HERC1: variants seen among roughly 807,000 people sequenced by gnomAD.
HERC1 encodes HECT and RLD domain containing E3 ubiquitin protein ligase family member 1, also known as probable E3 ubiquitin-protein ligase HERC1.
HERC1 carries 160 observed loss-of-function variants against 554.3 expected under a neutral mutation model. That is an observed-to-expected ratio of 0.29 (90% CI 0.25 to 0.33). The LOEUF is 0.33. Among genes scored for constraint, HERC1 ranks in the 10% least tolerant of loss-of-function variants. The pLI is 1.00. For missense variants in HERC1, 4,919 were observed against 5,918.5 expected (o/e 0.83, Z 5.54); for synonymous variants, 2,175 against 2,131.7 (o/e 1.02, Z -0.56).
chr15:63,775,438 C>T lies in HERC1; in HGVS notation c.186G>A (p.Leu62=), dbSNP rs1288919674. ...QQVLCLKGPQ[L]PDFERESLSS... ...AAAGAGACTCACGTTCAAAGTCTGG[C>T]AACTGTGGTCCTTTGAGGCATAAAA... is the stretch of plus-strand genomic sequence containing the variant. Residue 62 remains leucine (L), a synonymous_variant, in exon 2 of 78, where the codon TTG becomes TTA. Transcript: ENST00000443617. This position sits in a 1 kb window ranked among gnomAD's most constrained non-coding sequence, Gnocchi z 4.0. The T allele has an allele frequency of 6.2e-7, 1 of 1,613,962 alleles. No individual in the cohort carries two copies. Among genetic ancestry groups the T allele is most frequent in the Non-Finnish European group, 8.5e-7 (1 of 1,179,856 alleles).
At position 63,672,589 on chromosome 15, in the gene HERC1, A is replaced by G; in HGVS notation, c.7952T>C (p.Leu2651Pro). ...SSTTSFMSSS[L>P]EDTTTATTPV... ...AGTGGTGGCAGTTGTGGTGTCCTCCAGAGAGCTGCTCATAAAGGAGGTCGT... is the reference window on the plus strand; with the variant it reads ...AGTGGTGGCAGTTGTGGTGTCCTCCGGAGAGCTGCTCATAAAGGAGGTCGT... The change falls in exon 39 of 78, where the codon CTG becomes CCG. Residue 2651 changes from leucine (L) to proline (P), a missense_variant. Leu to Pro is a moderately conservative substitution (Grantham distance 98). Coordinates refer to ENST00000443617, the MANE Select transcript of HERC1 (RefSeq NM_003922.4). 1 of 1,612,264 alleles carries G rather than the reference A, an allele frequency of 6.2e-7. No individual in the cohort carries two copies. Among genetic ancestry groups the G allele is most frequent in the East Asian group, 2.2e-5 (1 of 44,842 alleles).
chr15:63,647,927 G>A, intron 55 of HERC1, 142 bp downstream of exon 55: 1 of 682,984 alleles, frequency 1.5e-6, no homozygotes, highest in Non-Finnish European at 2.5e-6. Context: ...GATGGATTAT[G>A]AGAGATTACT....
At chr15:63,810,089 T>C (rs1227044340) in intron 1 of HERC1, among the ~76,000 whole-genome samples, 2 of 152,334 alleles carry the variant, frequency 1.3e-5, no homozygotes, top group South Asian at 2.1e-4. Context: ...TTATTTGGAA[T>C]GTATTAAGTT....
chr15:63,667,507 A>G (rs1016881198), intron 40 of HERC1, among the ~76,000 whole-genome samples: 1 of 152,234 alleles, frequency 6.6e-6, no homozygotes, highest in African/African-American at 2.4e-5. Context: ...TAGACACTGC[A>G]GAAGAAAAGA....
At chr15:63,619,161 A>C (rs1224644461) in intron 74 of HERC1, among the ~76,000 whole-genome samples, 1 of 152,180 alleles carries the variant, frequency 6.6e-6, no homozygotes, top group East Asian at 1.9e-4. Flanking sequence ...CTATTTTGAG[A>C]TATGTCCCAT....
intron 1 of HERC1, among the ~76,000 whole-genome samples, chr15:63,789,988 CA>C (rs34306111): frequency 6.6e-6 from 1 of 151,904 alleles, no homozygotes; most frequent in African/African-American, 2.4e-5. Flanking sequence ...AGGAAAACCC[CA>C]AAAAGTCTGT....
At chr15:63,737,993 T>C (rs2074622352) in intron 12 of HERC1, among the ~76,000 whole-genome samples, 2 of 152,230 alleles carry the variant, frequency 1.3e-5, no homozygotes, top group Non-Finnish European at 2.9e-5. Context: ...TTTCATTTAA[T>C]GTATTTTCTA....
intron 2 of HERC1, among the ~76,000 whole-genome samples, chr15:63,768,374 T>TCA (rs1389086293): frequency 3.3e-5 from 5 of 152,262 alleles, no homozygotes; most frequent in African/African-American, 9.6e-5. Context: ...TGTCTGTGGC[T>TCA]CACACTTTGA....
At chr15:63,682,682 A>G (rs1452348283) in intron 34 of HERC1, among the ~76,000 whole-genome samples, 3 of 152,208 alleles carry the variant, frequency 2.0e-5, no homozygotes, top group Non-Finnish European at 4.4e-5. Context: ...AGCTTTTGCT[A>G]TTGCTACAGC....
At chr15:63,827,723 TAAG>T (rs2077990498) in intron 1 of HERC1, among the ~76,000 whole-genome samples, 1 of 152,116 alleles carries the variant, frequency 6.6e-6, no homozygotes, top group Admixed American at 6.5e-5. Context: ...TCATAACAGC[TAAG>T]AAGTAGAAAA....
chr15:63,742,496 T>C (rs2074849982), intron 12 of HERC1, among the ~76,000 whole-genome samples: 2 of 152,208 alleles, frequency 1.3e-5, no homozygotes, highest in Admixed American at 6.5e-5. Flanking sequence ...TCTTATATAA[T>C]TGCCCCAGCT....
At chr15:63,626,640 A>G (rs1278595915) in intron 70 of HERC1, among the ~76,000 whole-genome samples, 9 of 152,228 alleles carry the variant, frequency 5.9e-5, no homozygotes. Flanking sequence ...ATATAGGTGC[A>G]TGATTCATGA....
At position 63,754,551 on chromosome 15, in the gene HERC1, C is replaced by A. The variant is rs2075358100; in HGVS notation, c.1728G>T (p.Leu576=). 1.2e-6 allele frequency: 2 copies of A among 1,612,968 alleles called. No homozygotes were observed. Among genetic ancestry groups the A allele is most frequent in the South Asian group, 1.1e-5 (1 of 90,904 alleles). ...VSCGSSHTIA[L]SKDGRTVWSF... is the part of the protein sequence containing the mutation. ...ACCATACAGTTCTCCCATCTTTAGA[C>A]AGAGCAATAGTATGTGAACTGCCAC... Residue 576 remains leucine (L), a synonymous_variant, in exon 7 of 78, where the codon CTG becomes CTT. Transcript: ENST00000443617.
intron 1 of HERC1, among the ~76,000 whole-genome samples, chr15:63,818,858 T>C (rs1036347241): frequency 6.6e-6 from 1 of 152,232 alleles, no homozygotes; most frequent in African/African-American, 2.4e-5. Flanking sequence ...CATGATACAG[T>C]CAAAACCACT....
intron 34 of HERC1, among the ~76,000 whole-genome samples, chr15:63,681,922 C>A (rs1175296754): frequency 6.6e-6 from 1 of 152,140 alleles, no homozygotes; most frequent in Non-Finnish European, 1.5e-5. Context: ...GGGTGTATAT[C>A]CTTACCGCAT....
chr15:63,741,448 GA>G (rs2074802572), intron 12 of HERC1, among the ~76,000 whole-genome samples: 1 of 151,884 alleles, frequency 6.6e-6, no homozygotes, highest in African/African-American at 2.4e-5. Context: ...CCTCAGCTGG[GA>G]TTACAGGCAC....
At chr15:63,813,491 A>T (rs1031765140) in intron 1 of HERC1, among the ~76,000 whole-genome samples, 1 of 152,106 alleles carries the variant, frequency 6.6e-6, no homozygotes, top group African/African-American at 2.4e-5. Flanking sequence ...TTTTAATATC[A>T]ACCCAAAAAA....
Position 63,626,065 on chromosome 15 carries a change from C to T in HERC1, c.13195G>A (p.Ala4399Thr). ...LREVSIHTVR[A>T]RLRLLYHFSD... is the part of the protein sequence containing the mutation. ...AAGTGGTAGAGCAGCCGGAGCCTGG[C>T]CCGCACCGTGTGAATGCTGACTTCT... is the stretch of plus-strand genomic sequence containing the variant. Residue 4399 changes from alanine to threonine, a missense_variant, in exon 71 of 78, where the codon GCC becomes ACC. Physicochemically the swap from Ala to Thr is moderately conservative, Grantham distance 58. Transcript: ENST00000443617. The T allele has an allele frequency of 6.2e-7, 1 of 1,613,376 alleles. No individual in the cohort carries two copies.
rs557073934 is a variant in HERC1, at chr15:63,800,889, C to A, written c.-26-25240G>T. On this transcript the variant is annotated intron_variant, in intron 1 of 77. Coordinates refer to ENST00000443617, the MANE Select transcript of HERC1 (RefSeq NM_003922.4). ...GAAGGCTGGTTGCCAGAGAAACCAA[C>A]CAAGTGATAAAAGTGTTGGAACTTT... Among the ~76,000 whole-genome samples, 5 of 147,076 alleles carry A rather than the reference C, an allele frequency of 3.4e-5. No homozygotes were observed. The South Asian group carries it at 9.3e-4, about 27-fold the overall frequency.
Sources: allele counts gnomAD v4.1 joint callset (sites outside exome capture counted in the v4.1 genomes callset), GRCh38; gene constraint gnomAD v4.1.1; non-coding constraint Gnocchi (gnomAD v3.1); transcripts MANE v1.5; gene names NCBI Gene and HGNC (gene_info 2026-07-23, HGNC 2026-07-21).